Variants in PPCS observed in about 807,000 individuals in gnomAD.
PPCS encodes phosphopantothenate--cysteine ligase.
In PPCS, 17 loss-of-function variants were observed where a neutral mutation model predicts 24.6. The ratio of observed to expected loss-of-function variants is 0.69; its 90% CI spans 0.47 to 1.04. The LOEUF is 1.04. PPCS is among the 50% of genes least tolerant of loss of function. The pLI, the probability that PPCS is intolerant of heterozygous loss-of-function variation, is 0.00. For missense variants in PPCS, 360 were observed against 402.8 expected, an observed-to-expected ratio of 0.89 and a Z score of 0.91; for synonymous variants, 190 against 168.3, an observed-to-expected ratio of 1.13 and a Z score of -1.00.
chr1:42,468,190 G>A (rs2148435666), intron 2 of PPCS, among the ~76,000 whole-genome samples: 1 of 152,168 alleles, frequency 6.6e-6, no homozygotes, highest in East Asian at 1.9e-4. Flanking sequence ...CGTTGAAAAA[G>A]AAAGAAATGT....
rs764073096 is a variant in PPCS at position 42,456,646 on chromosome 1, G to C, written c.81G>C (p.Ala27=). 9 of 1,584,856 alleles carry C rather than the reference G, an allele frequency of 5.7e-6. No individual in the cohort carries two copies. Among genetic ancestry groups the C allele is most frequent in the Non-Finnish European group, 1.7e-6 (2 of 1,168,828 alleles). Residue 27 remains alanine, a synonymous_variant, in exon 1 of 3, where the codon GCG becomes GCC. Transcript: ENST00000372561. Reference sequence around the variant, plus strand: ...GGGCTGAGGTTATGGCTCGCTTCGCGGCCAGGCTGGGCGCGCAGGGCCGGC... The same window carrying C: ...GGGCTGAGGTTATGGCTCGCTTCGCCGCCAGGCTGGGCGCGCAGGGCCGGC... ...ARWAEVMARF[A]ARLGAQGRRV...
At chr1:42,470,684 G>A (rs973097876) in intron 2 of PPCS, among the ~76,000 whole-genome samples, 4 of 152,184 alleles carry the variant, frequency 2.6e-5, no homozygotes, top group African/African-American at 9.7e-5. Flanking sequence ...ACATTATGCT[G>A]CATGAAATAA....
chr1:42,470,098 A>G (rs1643719046), intron 2 of PPCS, among the ~76,000 whole-genome samples: 1 of 152,192 alleles, frequency 6.6e-6, no homozygotes, highest in Non-Finnish European at 1.5e-5. Context: ...CAAAGGGGTA[A>G]GATAACTGGG....
In PPCS at chr1:42,457,080, G is replaced by A. The variant is rs563007606; in HGVS notation, c.508+7G>A. The stretch of plus-strand genomic sequence containing the variant: ...CAGGCACTCAATCCGCTAGGTGCGT[G>A]CCCTAGGAGTACCCCTTTTGCCTGG... On this transcript the variant is annotated splice_region_variant and intron_variant, in intron 1 of 2. Transcript: ENST00000372561. The A allele has an allele frequency of 1.3e-6, 2 of 1,586,484 alleles. No homozygotes were observed. The highest frequency in any genetic ancestry group is 2.3e-5 in the South Asian group (2 of 87,890).
downstream of PPCS, among the ~76,000 whole-genome samples, chr1:42,465,181 G>A (rs1211958041): frequency 6.6e-6 from 1 of 152,138 alleles, no homozygotes; most frequent in Non-Finnish European, 1.5e-5. Flanking sequence ...GCATGGTGGA[G>A]CACTCCTGTA....
downstream of PPCS, among the ~76,000 whole-genome samples, chr1:42,465,463 C>T (rs182903541): frequency 1.2e-3 from 186 of 152,290 alleles, no homozygotes; most frequent in Admixed American, 2.2e-3. Context: ...CTCCCGGGTT[C>T]AAGTGATTCT....
chr1:42,460,050 T>C lies in PPCS; in HGVS notation c.*124T>C, dbSNP rs2148422187. ...AAGAAAGGGAAAAGGCAGTGGTGTGTAGGCAAATATGGTTTGGCATTTGTC... is the reference window on the plus strand; with the variant it reads ...AAGAAAGGGAAAAGGCAGTGGTGTGCAGGCAAATATGGTTTGGCATTTGTC... On this transcript the variant is annotated 3_prime_UTR_variant, in exon 3 of 3. Coordinates refer to ENST00000372561, the MANE Select transcript of PPCS (RefSeq NM_024664.4). The C allele has an allele frequency of 7.0e-7, 1 of 1,423,358 alleles. No homozygotes were observed. Among genetic ancestry groups the C allele is most frequent in the South Asian group, 1.6e-5 (1 of 62,294 alleles). The allele number at this position is 1,423,358 out of a possible 1,614,324, so 88.2% of individuals were successfully genotyped here.
rs1350603058 is a variant in PPCS, at chr1:42,461,032, A to C, written c.*1106A>C. Among the ~76,000 whole-genome samples, 1 of 152,240 alleles carries C rather than the reference A, an allele frequency of 6.6e-6. No homozygotes were observed. The highest frequency in any genetic ancestry group is 1.9e-4 in the East Asian group (1 of 5,202). On this transcript the variant is annotated 3_prime_UTR_variant, in exon 3 of 3. Coordinates refer to ENST00000372561, the MANE Select transcript of PPCS (RefSeq NM_024664.4). ...AGTGCACAAGTAGCATAGTGCAAAA[A>C]AATTCCCTAAATGATCTGTAGGATA... is the stretch of plus-strand genomic sequence containing the variant.
rs1376265814 is a variant in PPCS, at chr1:42,456,832, C to G, written c.267C>G (p.Ala89=). ...TGTTCTTGTATCGCGCTCGCTCTGC[C>G]TTCCCCTATGCCCACCGCTTCCCAC... ...GVLFLYRARS[A]FPYAHRFPPQ... Residue 89 remains alanine, a synonymous_variant, in exon 1 of 3, where the codon GCC becomes GCG. Coordinates refer to ENST00000372561, the MANE Select transcript of PPCS (RefSeq NM_024664.4). The G allele has an allele frequency of 6.2e-7, 1 of 1,613,524 alleles. No homozygotes were observed. Among genetic ancestry groups the G allele is most frequent in the Non-Finnish European group, 8.5e-7 (1 of 1,180,044 alleles).
At chr1:42,469,197 A>G (rs1276218597) in intron 2 of PPCS, among the ~76,000 whole-genome samples, 1 of 152,138 alleles carries the variant, frequency 6.6e-6, no homozygotes, top group Non-Finnish European at 1.5e-5. Flanking sequence ...TGGGCAACAT[A>G]TAAGACCCTC....
chr1:42,460,483 T>C lies in PPCS; in HGVS notation c.*557T>C, dbSNP rs1200243975. The C allele has an allele frequency of 4.8e-6, 3 of 629,036 alleles. No individual in the cohort carries two copies. The highest frequency in any genetic ancestry group is 7.1e-5 in the South Asian group (1 of 14,160). 39.0% of individuals were successfully genotyped at this position (629,036 alleles called of 1,614,324 possible). The stretch of plus-strand genomic sequence containing the variant: ...AGAAGGATACCTCCCTGAAGATAGA[T>C]TGTAGAATGGTGAGCTTTTCACTGC... On this transcript the variant is annotated 3_prime_UTR_variant, in exon 3 of 3. Transcript: ENST00000372561.
chr1:42,468,648 C>T (rs926061061), intron 2 of PPCS: 2 of 152,220 alleles, frequency 1.3e-5, no homozygotes, highest in African/African-American at 4.8e-5. Context: ...TGTTTCTTGC[C>T]ACTTCTTCTA....
chr1:42,470,845 G>C (rs1017767753), intron 2 of PPCS, among the ~76,000 whole-genome samples: 4 of 152,182 alleles, frequency 2.6e-5, no homozygotes, highest in African/African-American at 9.7e-5. Context: ...TAGAGTTTCT[G>C]TTTGGCATAA....
intron 2 of PPCS, among the ~76,000 whole-genome samples, chr1:42,470,164 C>G (rs2148439100): frequency 6.6e-6 from 1 of 152,234 alleles, no homozygotes; most frequent in Non-Finnish European, 1.5e-5. Flanking sequence ...GAGGGGCAAA[C>G]AAGTGAAGCC....
intron 2 of PPCS, chr1:42,457,586 C>G (rs1326640124): frequency 9.2e-6 from 5 of 546,380 alleles, no homozygotes; most frequent in African/African-American, 7.6e-5. Flanking sequence ...AAAGTGCAGT[C>G]AGATCATGGG....
At chr1:42,461,338 CA>C (rs1180926359), downstream of PPCS, among the ~76,000 whole-genome samples, 3 of 152,018 alleles carry the variant, frequency 2.0e-5, no homozygotes, top group African/African-American at 7.2e-5. Flanking sequence ...TCCCTTTGAA[CA>C]AAAAAATTTT....
At chr1:42,469,118 C>T (rs1050255820) in intron 2 of PPCS, among the ~76,000 whole-genome samples, 7 of 152,164 alleles carry the variant, frequency 4.6e-5, no homozygotes, top group African/African-American at 1.7e-4. Flanking sequence ...GTGGCTCACG[C>T]CTGTAATCCC....
At chr1:42,466,506 T>TTAG (rs1254309318) in intron 2 of PPCS, among the ~76,000 whole-genome samples, 1 of 152,160 alleles carries the variant, frequency 6.6e-6, no homozygotes, top group Admixed American at 6.5e-5. Flanking sequence ...GAGCATTTAC[T>TTAG]TAGTATCTAC....
downstream of PPCS, among the ~76,000 whole-genome samples, chr1:42,466,167 C>T (rs1454524504): frequency 6.6e-6 from 1 of 152,138 alleles, no homozygotes; most frequent in Non-Finnish European, 1.5e-5. Context: ...AGTCACCTGA[C>T]AGCATATTTC....
Sources: allele counts gnomAD v4.1 joint callset (sites outside exome capture counted in the v4.1 genomes callset), GRCh38; gene constraint gnomAD v4.1.1; transcripts MANE v1.5; gene names NCBI Gene and HGNC (gene_info 2026-07-23, HGNC 2026-07-21).